The following ANKRD29 variants were observed in gnomAD, a reference collection of about 807,000 sequenced individuals.
The protein encoded by ANKRD29 is ankyrin repeat domain 29.
In ANKRD29, 32 loss-of-function variants were observed where a neutral mutation model predicts 38.0. The observed-to-expected ratio is 0.84, with a 90% CI of 0.64 to 1.13. ANKRD29 has a LOEUF of 1.13. Ranked by LOEUF, ANKRD29 falls within the 50% of genes most tolerant of loss-of-function variation. ANKRD29 has a pLI of 0.00. For synonymous variants in ANKRD29, 135 were observed against 152.4 expected (o/e 0.89, Z 0.84); for missense variants, 357 against 377.9 (o/e 0.94, Z 0.46).
intron 9 of ANKRD29, among the ~76,000 whole-genome samples, chr18:23,611,164 G>A (rs1445037087): frequency 1.3e-5 from 2 of 152,218 alleles, no homozygotes. Flanking sequence ...CTAGAAAAAA[G>A]TGGGTTTGTT....
At chr18:23,633,974 A>T in intron 5 of ANKRD29, 77 bp downstream of exon 5, 1 of 1,446,052 alleles carries the variant, frequency 6.9e-7, no homozygotes. Context: ...TGAAGTTGGC[A>T]TTTCTGGCAT....
intron 1 of ANKRD29, among the ~76,000 whole-genome samples, chr18:23,661,253 C>T (rs1328950574): frequency 1.3e-5 from 2 of 152,216 alleles, no homozygotes; most frequent in Admixed American, 6.5e-5. Flanking sequence ...TAAATCTCAT[C>T]TCTAGCTGCT....
chr18:23,623,151 G>A (rs1338976455), intron 6 of ANKRD29, among the ~76,000 whole-genome samples: 1 of 152,146 alleles, frequency 6.6e-6, no homozygotes, highest in African/African-American at 2.4e-5. Context: ...GAAACAATAC[G>A]CCCCTTAATT....
chr18:23,632,533 G>GTATATATATA lies in ANKRD29; in HGVS notation c.429+1508_429+1517dup, dbSNP rs61584775. Among the ~76,000 whole-genome samples, 738 of 130,930 alleles carry GTATATATATA rather than the reference G, an allele frequency of 5.6e-3. 6 individuals carry two copies. Among genetic ancestry groups the GTATATATATA allele is most frequent in the Middle Eastern group, 0.011 (3 of 262 alleles). The allele number at this position is 130,930 out of a possible 152,430, so 85.9% of individuals were successfully genotyped here. On this transcript the variant is annotated intron_variant, in intron 5 of 9. Transcript: ENST00000592179. ...CTATTCAGTGTGTGTGTGTGTGTGT[G>GTATATATATA]TATATATATATATATTACACACTCT... is the stretch of plus-strand genomic sequence containing the variant.
At chr18:23,650,372 G>A (rs149696129) in intron 1 of ANKRD29, among the ~76,000 whole-genome samples, 148 of 151,360 alleles carry the variant, frequency 9.8e-4, no homozygotes, top group African/African-American at 3.5e-3. Flanking sequence ...TCGAACTCCT[G>A]GGCTCAAGCA....
chr18:23,617,695 C>T (rs199918616), intron 8 of ANKRD29, 37 bp downstream of exon 8: 1 of 1,566,796 alleles, frequency 6.4e-7, no homozygotes, highest in East Asian at 2.2e-5. Context: ...TCTAACCTCT[C>T]TCTTACAGAT....
chr18:23,631,543 G>C (rs2059933009), intron 5 of ANKRD29, among the ~76,000 whole-genome samples: 1 of 152,040 alleles, frequency 6.6e-6, no homozygotes, highest in Admixed American at 6.5e-5. Flanking sequence ...ACCATATCCA[G>C]ATGACCCTGT....
intron 8 of ANKRD29, among the ~76,000 whole-genome samples, chr18:23,613,693 G>A (rs976121203): frequency 2.6e-4 from 38 of 147,338 alleles, no homozygotes; most frequent in Non-Finnish European, 1.6e-4. Context: ...TCTGCCTCCC[G>A]GGTTCACGCC....
At chr18:23,620,339 T>A (rs1009654465) in intron 6 of ANKRD29, among the ~76,000 whole-genome samples, 2 of 152,200 alleles carry the variant, frequency 1.3e-5, no homozygotes, top group African/African-American at 2.4e-5. Flanking sequence ...ATATTTCCTC[T>A]GCGTATATTT....
At chr18:23,614,668 C>CAA (rs1299529959) in intron 8 of ANKRD29, among the ~76,000 whole-genome samples, 1 of 54,020 alleles carries the variant, frequency 1.9e-5, no homozygotes. Context: ...ACCCTGTCTC[C>CAA]AAAAAAAAAA....
chr18:23,605,804 G>C (rs1282397687), intron 9 of ANKRD29, among the ~76,000 whole-genome samples: 1 of 152,096 alleles, frequency 6.6e-6, no homozygotes, highest in Admixed American at 6.6e-5. Flanking sequence ...TGAGATTACA[G>C]GCATGAGCCA....
chr18:23,610,462 G>C (rs2059627597), intron 9 of ANKRD29, among the ~76,000 whole-genome samples: 1 of 152,118 alleles, frequency 6.6e-6, no homozygotes, highest in Non-Finnish European at 1.5e-5. Flanking sequence ...TGTCAACAGA[G>C]TGAGACTCTG....
At position 23,632,533 on chromosome 18, in the gene ANKRD29, G is replaced by GTATATATATATATATATATATA. The variant is rs61584775; in HGVS notation, c.429+1517_429+1518insTATATATATATATATATATATA. Among the ~76,000 whole-genome samples, 18 of 130,942 alleles carry GTATATATATATATATATATATA rather than the reference G, an allele frequency of 1.4e-4. 1 individual carries two copies. The highest frequency in any genetic ancestry group is 4.6e-4 in the African/African-American group (14 of 30,742). The allele number at this position is 130,942 out of a possible 152,430, so 85.9% of individuals were successfully genotyped here. ...CTATTCAGTGTGTGTGTGTGTGTGTGTATATATATATATATTACACACTCT... is the reference window on the plus strand; with the variant it reads ...CTATTCAGTGTGTGTGTGTGTGTGTGTATATATATATATATATATATATATATATATATATATTACACACTCT... On this transcript the variant is annotated intron_variant, in intron 5 of 9. Coordinates refer to ENST00000592179, the MANE Select transcript of ANKRD29 (RefSeq NM_173505.4).
intron 6 of ANKRD29, among the ~76,000 whole-genome samples, chr18:23,623,742 A>T (rs1316234581): frequency 2.0e-5 from 3 of 151,800 alleles, no homozygotes; most frequent in African/African-American, 7.3e-5. Context: ...TCCCGGGTTC[A>T]CGCCATTCTC....
chr18:23,621,382 C>T (rs1286084335), intron 6 of ANKRD29, among the ~76,000 whole-genome samples: 1 of 152,110 alleles, frequency 6.6e-6, no homozygotes, highest in Non-Finnish European at 1.5e-5. Context: ...GTCGGGGAAG[C>T]TGGTGACTTG....
intron 3 of ANKRD29, among the ~76,000 whole-genome samples, chr18:23,644,034 C>G (rs2145718364): frequency 6.6e-6 from 1 of 152,274 alleles, no homozygotes; most frequent in East Asian, 1.9e-4. Context: ...CAGGGACTGC[C>G]AGGAACTTAC....
chr18:23,662,829 G>C lies in ANKRD29; in HGVS notation c.-99C>G. On this transcript the variant is annotated 5_prime_UTR_variant, in exon 1 of 10. Transcript: ENST00000592179. The stretch of plus-strand genomic sequence containing the variant: ...CCCGGGGCTCTCGGCGTTCCGCAGA[G>C]GGGCGGCCTCCGACGCCGCGCGCTC... 1 of 1,125,434 alleles carries C rather than the reference G, an allele frequency of 8.9e-7. No individual in the cohort carries two copies. The highest frequency in any genetic ancestry group is 1.1e-6 in the Non-Finnish European group (1 of 908,592). 69.7% of individuals were successfully genotyped at this position (1,125,434 alleles called of 1,614,324 possible).
intron 1 of ANKRD29, among the ~76,000 whole-genome samples, chr18:23,656,403 G>A (rs2060284892): frequency 6.6e-6 from 1 of 152,108 alleles, no homozygotes; most frequent in African/African-American, 2.4e-5. Context: ...CGTAGGCTTT[G>A]GAGACCCAGA....
intron 1 of ANKRD29, 98 bp downstream of exon 1, chr18:23,662,612 C>CGG: frequency 2.2e-5 from 9 of 406,916 alleles, no homozygotes; most frequent in Non-Finnish European, 2.7e-5. Context: ...CAGCGGGCAG[C>CGG]GCCCACCCCA....
Sources: gnomAD v4.1 joint callset for allele counts (sites outside exome capture counted in the v4.1 genomes callset) on GRCh38, gnomAD v4.1.1 for gene constraint, MANE v1.5 for transcripts, NCBI Gene and HGNC (gene_info 2026-07-23, HGNC 2026-07-21) for gene names.